The following RALGAPA2 variants were observed in gnomAD, a reference collection of about 807,000 sequenced individuals.
RALGAPA2 encodes ral GTPase-activating protein subunit alpha-2.
RALGAPA2 carries 139 observed loss-of-function variants against 230.4 expected under a neutral mutation model. That is an observed-to-expected ratio of 0.60 (90% confidence interval 0.53 to 0.69). RALGAPA2 has a LOEUF of 0.69. Among genes scored for constraint, RALGAPA2 ranks in the 30% least tolerant of loss-of-function variants. The pLI is 0.00. For synonymous variants in RALGAPA2, 847 were observed against 837.8 expected (o/e 1.01, Z -0.19); for missense variants, 2,163 against 2,276.0 (o/e 0.95, Z 1.01).
At chr20:20,608,943 AT>A (rs2065901208) in intron 14 of RALGAPA2, among the ~76,000 whole-genome samples, 1 of 152,132 alleles carries the variant, frequency 6.6e-6, no homozygotes, top group Non-Finnish European at 1.5e-5. Context: ...CAGAAACACA[AT>A]CTGCCTAATG....
In RALGAPA2 at chr20:20,503,335, C is replaced by T. The variant is rs879138158; in HGVS notation, c.5208+16G>A. ...AACCAGGGCAGCTAAGAATGGTGCC[C>T]GAGGAGACCCCTTACCTTTTTGGTG... is the stretch of plus-strand genomic sequence containing the variant. On this transcript the variant is annotated intron_variant, in intron 35 of 39. Transcript: ENST00000202677. 13 of 1,536,412 alleles carry T rather than the reference C, an allele frequency of 8.5e-6. No individual in the cohort carries two copies. The Middle Eastern group carries it at 5.2e-4, about 61-fold the overall frequency.
intron 16 of RALGAPA2, among the ~76,000 whole-genome samples, chr20:20,596,792 C>A (rs988305755): frequency 3.3e-5 from 5 of 152,226 alleles, no homozygotes; most frequent in African/African-American, 1.2e-4. Context: ...TTCTCAGCCT[C>A]GGCACAGCTG....
At chr20:20,635,221 C>A in intron 9 of RALGAPA2, 197 bp downstream of exon 9, 5 of 612,230 alleles carry the variant, frequency 8.2e-6, no homozygotes, top group Non-Finnish European at 1.4e-5. Flanking sequence ...GCAGTCCCAA[C>A]AATGCACAGC....
At chr20:20,589,672 G>C (rs1315541019) in intron 17 of RALGAPA2, among the ~76,000 whole-genome samples, 1 of 151,994 alleles carries the variant, frequency 6.6e-6, no homozygotes, top group Non-Finnish European at 1.5e-5. Context: ...TCTTGGGGAA[G>C]GTATCTCAGA....
intron 16 of RALGAPA2, among the ~76,000 whole-genome samples, chr20:20,600,078 T>C (rs2065588598): frequency 6.6e-6 from 1 of 151,544 alleles, no homozygotes; most frequent in South Asian, 2.1e-4. Context: ...GCAGATCACC[T>C]AAGGTAAGGA....
intron 1 of RALGAPA2, among the ~76,000 whole-genome samples, chr20:20,711,482 A>G (rs2069864660): frequency 6.6e-6 from 1 of 152,226 alleles, no homozygotes; most frequent in Non-Finnish European, 1.5e-5. Context: ...ATGTAAAAAA[A>G]TACAGAAAAC....
chr20:20,636,152 T>C (rs1466268722), intron 8 of RALGAPA2, among the ~76,000 whole-genome samples: 4 of 152,166 alleles, frequency 2.6e-5, no homozygotes, highest in Admixed American at 6.5e-5. Context: ...GAAAGTCACA[T>C]TTCACCTTTG....
At chr20:20,441,889 T>A (rs1051519110) in intron 37 of RALGAPA2, among the ~76,000 whole-genome samples, 3 of 152,188 alleles carry the variant, frequency 2.0e-5, no homozygotes, top group African/African-American at 4.8e-5. Context: ...ACAAATAACA[T>A]AAGACAAGCC....
chr20:20,402,204 G>A (rs1341796441), intron 38 of RALGAPA2, among the ~76,000 whole-genome samples: 2 of 152,242 alleles, frequency 1.3e-5, no homozygotes, highest in East Asian at 1.9e-4. Context: ...AACTGTCAGA[G>A]AAATCTTGCC....
intron 23 of RALGAPA2, among the ~76,000 whole-genome samples, chr20:20,564,877 G>GA (rs2064364769): frequency 6.6e-6 from 1 of 152,132 alleles, no homozygotes; most frequent in South Asian, 2.1e-4. Flanking sequence ...GAAACCTTAG[G>GA]AATAAGGCCC....
intron 4 of RALGAPA2, among the ~76,000 whole-genome samples, chr20:20,647,337 C>T (rs940410062): frequency 2.0e-5 from 3 of 152,172 alleles, no homozygotes; most frequent in African/African-American, 7.2e-5. Flanking sequence ...AAGAGAGAAA[C>T]TCCCTCTGGG....
chr20:20,561,366 G>T (rs2064251597), intron 23 of RALGAPA2, among the ~76,000 whole-genome samples: 1 of 152,152 alleles, frequency 6.6e-6, no homozygotes, highest in African/African-American at 2.4e-5. Context: ...AGCTACTCAG[G>T]CAGTGCTCAT....
chr20:20,570,581 T>A (rs1162163129), intron 23 of RALGAPA2, among the ~76,000 whole-genome samples: 1 of 152,232 alleles, frequency 6.6e-6, no homozygotes, highest in African/African-American at 2.4e-5. Context: ...TTAAAATTTA[T>A]TGAATCTTTT....
intron 18 of RALGAPA2, among the ~76,000 whole-genome samples, chr20:20,586,670 A>C (rs1424404120): frequency 6.6e-6 from 1 of 152,240 alleles, no homozygotes; most frequent in Admixed American, 6.5e-5. Context: ...GAAAAGTATA[A>C]ACGTGAACTG....
At chr20:20,710,647 T>G (rs2069818828) in intron 1 of RALGAPA2, among the ~76,000 whole-genome samples, 1 of 151,686 alleles carries the variant, frequency 6.6e-6, no homozygotes, top group African/African-American at 2.4e-5. Flanking sequence ...GAAAGTTCCC[T>G]AAAATAAGAC....
chr20:20,612,991 A>T (rs1396195729), intron 13 of RALGAPA2, among the ~76,000 whole-genome samples: 1 of 152,258 alleles, frequency 6.6e-6, no homozygotes, highest in African/African-American at 2.4e-5. Flanking sequence ...GGCAACTGCT[A>T]TCAAAAGCCA....
chr20:20,665,846 C>T (rs1465132137), intron 3 of RALGAPA2, among the ~76,000 whole-genome samples: 1 of 152,216 alleles, frequency 6.6e-6, no homozygotes, highest in Non-Finnish European at 1.5e-5. Flanking sequence ...CCAGTACAGG[C>T]GATAGCACCG....
At chr20:20,521,192 A>G in intron 30 of RALGAPA2, 92 bp from the exon 31 acceptor site, 1 of 1,095,524 alleles carries the variant, frequency 9.1e-7, no homozygotes, top group Non-Finnish European at 1.3e-6. Context: ...GGCAGCTAGG[A>G]CTCCTGCTTG....
chr20:20,667,763 G>C (rs985228144), intron 3 of RALGAPA2, among the ~76,000 whole-genome samples: 7 of 152,208 alleles, frequency 4.6e-5, no homozygotes, highest in Non-Finnish European at 7.3e-5. Context: ...GAAACAGATG[G>C]AGAAAGGTTG....
Sources: allele counts gnomAD v4.1 joint callset (sites outside exome capture counted in the v4.1 genomes callset), GRCh38; gene constraint gnomAD v4.1.1; transcripts MANE v1.5; gene names NCBI Gene and HGNC (gene_info 2026-07-23, HGNC 2026-07-21).